Variants in PIK3R3 observed in about 807,000 individuals in gnomAD.
The protein encoded by PIK3R3 is phosphoinositide-3-kinase regulatory subunit 3.
PIK3R3 carries 64 observed loss-of-function variants against 62.9 expected under a neutral mutation model. The observed-to-expected ratio is 1.02, with a 90% confidence interval of 0.83 to 1.25. The LOEUF (loss-of-function observed/expected upper bound fraction) is 1.25. Ranked by LOEUF, PIK3R3 falls within the 50% of genes most tolerant of loss-of-function variation. PIK3R3 has a pLI of 0.00. For synonymous variants in PIK3R3, 165 were observed against 189.0 expected (o/e 0.87, Z 1.04); for missense variants, 614 against 561.6 (o/e 1.09, Z -0.94).
At chr1:46,108,986 T>C (rs1034836830) in intron 1 of PIK3R3, among the ~76,000 whole-genome samples, 8 of 152,198 alleles carry the variant, frequency 5.3e-5, no homozygotes, top group South Asian at 2.1e-4. Context: ...GGTGAAACCG[T>C]GTCTCTACTA....
At chr1:46,136,278 G>A (rs2149485163), upstream of PIK3R3, among the ~76,000 whole-genome samples, 1 of 152,184 alleles carries the variant, frequency 6.6e-6, no homozygotes, top group Non-Finnish European at 1.5e-5. Context: ...ATCAGTTGCA[G>A]ATTTTTAGGG....
At chr1:46,077,018 G>A (rs1650127558) in intron 3 of PIK3R3, among the ~76,000 whole-genome samples, 1 of 151,980 alleles carries the variant, frequency 6.6e-6, no homozygotes, top group South Asian at 2.1e-4. Context: ...AAAAATATGT[G>A]CAAATATTAA....
chr1:46,080,408 CT>C (rs1031756656), intron 2 of PIK3R3, among the ~76,000 whole-genome samples: 4 of 148,258 alleles, frequency 2.7e-5, no homozygotes, highest in East Asian at 2.0e-4. Flanking sequence ...TTACAATGCT[CT>C]TTTTTTTTGA....
the PIK3R3 span, among the ~76,000 whole-genome samples, chr1:46,169,075 A>T: frequency 6.6e-6 from 1 of 152,120 alleles, no homozygotes; most frequent in Non-Finnish European, 1.5e-5. Flanking sequence ...TACGAATGGA[A>T]CTCACTGCCT....
the PIK3R3 span, among the ~76,000 whole-genome samples, chr1:46,163,266 A>G: frequency 1.3e-5 from 2 of 152,248 alleles, no homozygotes; most frequent in Non-Finnish European, 2.9e-5. Context: ...TAAAAAGTAA[A>G]ATAAAACTGG....
the PIK3R3 span, among the ~76,000 whole-genome samples, chr1:46,142,703 A>G: frequency 6.9e-6 from 1 of 145,256 alleles, no homozygotes; most frequent in Non-Finnish European, 1.5e-5. Context: ...GTCTCAAAAT[A>G]AAAAAAAAAA....
chr1:46,127,902 A>G (rs1274322895), intron 1 of PIK3R3, among the ~76,000 whole-genome samples: 2 of 152,232 alleles, frequency 1.3e-5, no homozygotes, highest in South Asian at 2.1e-4. Flanking sequence ...ACAGTTCAGT[A>G]TATCTACTGC....
At chr1:46,069,248 G>A (rs987902123) in intron 3 of PIK3R3, among the ~76,000 whole-genome samples, 3 of 152,144 alleles carry the variant, frequency 2.0e-5, no homozygotes, top group Non-Finnish European at 2.9e-5. Context: ...GACCAGGCAC[G>A]GTGGCTCACG....
chr1:46,171,141 T>C, the PIK3R3 span, among the ~76,000 whole-genome samples: 13 of 152,204 alleles, frequency 8.5e-5, no homozygotes. Flanking sequence ...TCTCTGGGCA[T>C]GCCGGTGCAG....
At chr1:46,111,908 T>C (rs891567415) in intron 1 of PIK3R3, among the ~76,000 whole-genome samples, 2 of 152,344 alleles carry the variant, frequency 1.3e-5, no homozygotes, top group East Asian at 3.9e-4. Flanking sequence ...ACCATATCAG[T>C]GAGGCCTCCT....
At chr1:46,100,790 T>G (rs1652588100) in intron 1 of PIK3R3, among the ~76,000 whole-genome samples, 1 of 152,220 alleles carries the variant, frequency 6.6e-6, no homozygotes, top group Admixed American at 6.5e-5. Flanking sequence ...TTGTATACTT[T>G]TCAACATAAA....
intron 7 of PIK3R3, among the ~76,000 whole-genome samples, chr1:46,049,344 T>C (rs1647197518): frequency 6.6e-6 from 1 of 152,214 alleles, no homozygotes; most frequent in Non-Finnish European, 1.5e-5. Flanking sequence ...AGTTTGTGTT[T>C]CAGTCTAAGA....
chr1:46,093,386 T>C (rs1291415226), intron 1 of PIK3R3, among the ~76,000 whole-genome samples: 1 of 152,196 alleles, frequency 6.6e-6, no homozygotes, highest in African/African-American at 2.4e-5. Context: ...TGTAAGGGAT[T>C]TGCAATGCCC....
intron 1 of PIK3R3, among the ~76,000 whole-genome samples, chr1:46,095,281 C>T (rs990728918): frequency 6.6e-6 from 1 of 152,140 alleles, no homozygotes; most frequent in Non-Finnish European, 1.5e-5. Context: ...ATATATACAG[C>T]ATGGAATACT....
intron 2 of PIK3R3, among the ~76,000 whole-genome samples, chr1:46,080,124 C>G (rs1461128557): frequency 6.8e-6 from 1 of 146,158 alleles, no homozygotes; most frequent in African/African-American, 2.5e-5. Flanking sequence ...TGCAGTGGCA[C>G]TATCTCGGCT....
At chr1:46,090,506 G>A (rs1039737778) in intron 1 of PIK3R3, among the ~76,000 whole-genome samples, 1 of 151,526 alleles carries the variant, frequency 6.6e-6, no homozygotes, top group Non-Finnish European at 1.5e-5. Context: ...TAGTTTTTTT[G>A]TATTTTTAGT....
At chr1:46,145,881 A>G in the PIK3R3 span, among the ~76,000 whole-genome samples, 3 of 152,332 alleles carry the variant, frequency 2.0e-5, no homozygotes, top group East Asian at 1.9e-4. Flanking sequence ...GCTAAAGTCC[A>G]TTTGGGCAGA....
rs1354768707 is a variant in PIK3R3 at position 46,040,714 on chromosome 1, A to G, written c.*2959T>C. ...AGAACACATGGGGCTGATTACTTGT[A>G]GCAAAAAAGAGACCCGTGGAAGACA... On this transcript the variant is annotated 3_prime_UTR_variant, in exon 10 of 10. Transcript: ENST00000262741. The G allele has an allele frequency of 2.0e-5, 4 of 203,090 alleles. No homozygotes were observed. The highest frequency in any genetic ancestry group is 6.9e-5 in the African/African-American group (3 of 43,596). 12.6% of individuals were successfully genotyped at this position (203,090 alleles called of 1,614,324 possible).
chr1:46,173,113 G>A, the PIK3R3 span, among the ~76,000 whole-genome samples: 2 of 152,230 alleles, frequency 1.3e-5, no homozygotes, highest in African/African-American at 4.8e-5. Context: ...CCTAGGGTGT[G>A]AGAAGGAAGC....
Sources: allele counts gnomAD v4.1 joint callset (sites outside exome capture counted in the v4.1 genomes callset), GRCh38; gene constraint gnomAD v4.1.1; transcripts MANE v1.5; gene names NCBI Gene and HGNC (gene_info 2026-07-23, HGNC 2026-07-21).